XPO4: variants seen among roughly 807,000 people sequenced by gnomAD.
The protein encoded by XPO4 is exportin-4.
A neutral mutation model predicts 143.0 loss-of-function variants in XPO4; 39 were observed. That is an observed-to-expected ratio of 0.27 (90% CI 0.21 to 0.36). The LOEUF (loss-of-function observed/expected upper bound fraction) is 0.36, where lower values mean the gene tolerates loss of function less well. XPO4 is among the 10% of genes least tolerant of loss of function. The pLI is 1.00. For missense variants in XPO4, 907 were observed against 1,348.0 expected (o/e 0.67, Z 5.12); for synonymous variants, 439 against 474.0 (o/e 0.93, Z 0.96).
rs1486465163 is a variant in XPO4, at chr13:20,779,357, C to T, written c.*4365G>A. On this transcript the variant is annotated 3_prime_UTR_variant, in exon 23 of 23. Transcript: ENST00000255305. ...GCTCAGAAAACACTTGAGGTCAGAT[C>T]CCTAGTAGGTACATAGTGCAGATGC... The T allele has an allele frequency of 6.6e-6, 1 of 152,518 alleles. No homozygotes were observed. The highest frequency in any genetic ancestry group is 1.5e-5 in the Non-Finnish European group (1 of 68,024). The allele number at this position is 152,518 out of a possible 1,614,324, so 9.4% of individuals were successfully genotyped here. A position where few individuals can be genotyped will look rare whatever the true frequency, so the allele number is the denominator to read the frequency against.
chr13:20,793,566 T>C lies in XPO4; in HGVS notation c.2797+2510A>G, dbSNP rs1169548039. ...CCTTTCTTATTGACTGATTGACTGATTGATTGAAACAGAGTCTGGCTCTGT... is the reference window on the plus strand; with the variant it reads ...CCTTTCTTATTGACTGATTGACTGACTGATTGAAACAGAGTCTGGCTCTGT... On this transcript the variant is annotated intron_variant, in intron 18 of 22. Transcript: ENST00000255305. Among the ~76,000 whole-genome samples the C allele has an allele frequency of 5.3e-5, 8 of 152,120 alleles. No individual in the cohort carries two copies. In the East Asian group the frequency reaches 5.8e-4, roughly 11 times the overall value.
intron 9 of XPO4, among the ~76,000 whole-genome samples, chr13:20,814,827 A>G (rs550127777): frequency 1.3e-5 from 2 of 152,228 alleles, no homozygotes; most frequent in Non-Finnish European, 1.5e-5. Flanking sequence ...TCAAATTATG[A>G]TATCAGCACT....
intron 14 of XPO4, 61 bp from the exon 15 acceptor site, chr13:20,800,386 A>C (rs1384297215): frequency 2.6e-6 from 4 of 1,521,366 alleles, no homozygotes; most frequent in South Asian, 2.5e-5. Flanking sequence ...GAAAAAAAAA[A>C]CAGAGAAAAA....
intron 1 of XPO4, among the ~76,000 whole-genome samples, chr13:20,885,543 A>C (rs1042250519): frequency 1.3e-5 from 2 of 152,030 alleles, no homozygotes; most frequent in African/African-American, 4.8e-5. Context: ...GCTCTACATA[A>C]AAAACTAAGA....
chr13:20,781,886 AG>A lies in XPO4; in HGVS notation c.*1835del, dbSNP rs1367656155. 1.3e-5 allele frequency: 2 copies of A among 152,150 alleles called. No individual in the cohort carries two copies. The highest frequency in any genetic ancestry group is 3.8e-4 in the East Asian group (2 of 5,206). 9.4% of individuals were successfully genotyped at this position (152,150 alleles called of 1,614,324 possible). The stretch of plus-strand genomic sequence containing the variant: ...GCTGCATATCACTTCAAGTTTTTTA[AG>A]GGGAAAAAAAAAACACCTAAAAATA... On this transcript the variant is annotated 3_prime_UTR_variant, in exon 23 of 23. Transcript: ENST00000255305.
chr13:20,857,751 A>T, intron 3 of XPO4: 1 of 814,714 alleles, frequency 1.2e-6, no homozygotes, highest in Non-Finnish European at 1.5e-6. Context: ...AAATCAAATC[A>T]GAAAATTAAT....
intron 15 of XPO4, among the ~76,000 whole-genome samples, chr13:20,799,882 ACAC>A (rs1314361368): frequency 1.3e-5 from 2 of 152,332 alleles, no homozygotes; most frequent in African/African-American, 4.8e-5. Flanking sequence ...AGTGTTTGCA[ACAC>A]GATAAATTAC....
chr13:20,849,672 TTAAC>T, intron 4 of XPO4: 6 of 984,772 alleles, frequency 6.1e-6, no homozygotes, highest in South Asian at 4.7e-5. Context: ...CAGGCATAAA[TTAAC>T]TAAGAATACA....
intron 6 of XPO4, among the ~76,000 whole-genome samples, chr13:20,833,459 T>A (rs2059877401): frequency 6.6e-6 from 1 of 152,232 alleles, no homozygotes; most frequent in African/African-American, 2.4e-5. Flanking sequence ...ACATCCCATA[T>A]ACTTTAAATC....
intron 4 of XPO4, among the ~76,000 whole-genome samples, chr13:20,853,734 CACTA>C (rs1358003595): frequency 4.6e-5 from 7 of 152,142 alleles, no homozygotes; most frequent in Non-Finnish European, 7.3e-5. Context: ...ATACGTTTGT[CACTA>C]ACTATGTGTG....
At chr13:20,888,160 A>G (rs1432835364) in intron 1 of XPO4, among the ~76,000 whole-genome samples, 6 of 144,656 alleles carry the variant, frequency 4.1e-5, no homozygotes, top group Non-Finnish European at 7.6e-5. Flanking sequence ...GGGCGACAAG[A>G]GCAAAACTCC....
At chr13:20,833,387 G>T (rs2059876450) in intron 6 of XPO4, among the ~76,000 whole-genome samples, 1 of 152,074 alleles carries the variant, frequency 6.6e-6, no homozygotes, top group Non-Finnish European at 1.5e-5. Context: ...ATCCACAGAT[G>T]CTCTGATATA....
At chr13:20,816,999 G>A (rs796650832) in intron 9 of XPO4, among the ~76,000 whole-genome samples, 30 of 152,252 alleles carry the variant, frequency 2.0e-4, no homozygotes, top group African/African-American at 7.2e-4. Flanking sequence ...GGTGGGGGGC[G>A]CTGGACAGCC....
At chr13:20,848,394 T>C in intron 4 of XPO4, 2 of 985,346 alleles carry the variant, frequency 2.0e-6, no homozygotes, top group South Asian at 4.7e-5. Context: ...GACCTCAGCT[T>C]TCTCATCTAC....
intron 10 of XPO4, 61 bp from the exon 11 acceptor site, chr13:20,809,286 T>C: frequency 6.4e-7 from 1 of 1,566,532 alleles, no homozygotes; most frequent in Admixed American, 1.8e-5. Context: ...CGTGCACTTC[T>C]GTGGCTCCAT....
At chr13:20,849,604 T>C in intron 4 of XPO4, 1 of 985,396 alleles carries the variant, frequency 1.0e-6, no homozygotes, top group Non-Finnish European at 1.2e-6. Context: ...TTTATAATTA[T>C]GGAAGGAAAA....
At chr13:20,836,039 C>T (rs755942326) in intron 6 of XPO4, among the ~76,000 whole-genome samples, 6 of 152,166 alleles carry the variant, frequency 3.9e-5, no homozygotes, top group Non-Finnish European at 5.9e-5. Context: ...ACCAACTGAC[C>T]GTTTATGTTA....
At chr13:20,828,599 G>T (rs1466901817) in intron 6 of XPO4, among the ~76,000 whole-genome samples, 4 of 152,086 alleles carry the variant, frequency 2.6e-5, no homozygotes, top group African/African-American at 9.7e-5. Context: ...AAAAATCACT[G>T]CTTGTTTCTG....
intron 1 of XPO4, among the ~76,000 whole-genome samples, chr13:20,876,785 A>G (rs1324007639): frequency 6.6e-6 from 1 of 152,200 alleles, no homozygotes; most frequent in African/African-American, 2.4e-5. Flanking sequence ...CCTGGTCCTC[A>G]GGGTGAGTGT....
Sources: gnomAD v4.1 joint callset for allele counts (sites outside exome capture counted in the v4.1 genomes callset) on GRCh38, gnomAD v4.1.1 for gene constraint, MANE v1.5 for transcripts, NCBI Gene and HGNC (gene_info 2026-07-23, HGNC 2026-07-21) for gene names.